The following GSTCD variants were observed in gnomAD, a reference collection of about 807,000 sequenced individuals.
GSTCD encodes glutathione S-transferase C-terminal domain containing, also known as glutathione S-transferase C-terminal domain-containing protein.
A neutral mutation model predicts 68.3 loss-of-function variants in GSTCD; 44 were observed. The observed-to-expected ratio is 0.64, with a 90% CI of 0.51 to 0.83. The LOEUF is 0.83. Among genes scored for constraint, GSTCD ranks in the 40% least tolerant of loss-of-function variants. The probability of loss-of-function intolerance (pLI) is 0.00; values close to 1 mark genes in which losing one functional copy is unlikely to be tolerated. For synonymous variants in GSTCD, 273 were observed against 255.2 expected, an observed-to-expected ratio of 1.07 and a Z score of -0.67; for missense variants, 739 against 735.9, an observed-to-expected ratio of 1.00 and a Z score of -0.05.
intron 5 of GSTCD, among the ~76,000 whole-genome samples, chr4:105,758,470 T>C (rs1734279209): frequency 6.6e-6 from 1 of 152,176 alleles, no homozygotes. Flanking sequence ...ACCTCTCCCG[T>C]CACTCGCTCT....
intron 5 of GSTCD, among the ~76,000 whole-genome samples, chr4:105,756,285 T>C (rs999632215): frequency 1.3e-5 from 2 of 152,044 alleles, no homozygotes; most frequent in Non-Finnish European, 2.9e-5. Flanking sequence ...ATTAATTCAA[T>C]TTCCATCCCC....
intron 5 of GSTCD, among the ~76,000 whole-genome samples, chr4:105,780,124 C>T (rs966358859): frequency 1.3e-5 from 2 of 152,124 alleles, no homozygotes; most frequent in Non-Finnish European, 2.9e-5. Flanking sequence ...AAGAGGAACA[C>T]AAAATGTGTT....
intron 5 of GSTCD, among the ~76,000 whole-genome samples, chr4:105,767,236 G>A (rs181776335): frequency 7.2e-5 from 11 of 152,224 alleles, no homozygotes; most frequent in South Asian, 2.1e-4. Flanking sequence ...GCTGAAACTC[G>A]GATGCAATGA....
chr4:105,771,487 G>A (rs1318355715), intron 5 of GSTCD, among the ~76,000 whole-genome samples: 3 of 152,134 alleles, frequency 2.0e-5, no homozygotes, highest in Non-Finnish European at 4.4e-5. Flanking sequence ...TTCTTCTAGA[G>A]TTTTTATGGT....
At chr4:105,744,453 A>T (rs1733736122) in intron 5 of GSTCD, among the ~76,000 whole-genome samples, 1 of 152,116 alleles carries the variant, frequency 6.6e-6, no homozygotes, top group African/African-American at 2.4e-5. Flanking sequence ...CAAGTCTGTC[A>T]TCCTTCTATA....
chr4:105,734,278 G>A (rs28804192), intron 5 of GSTCD, among the ~76,000 whole-genome samples: 2,073 of 152,252 alleles, frequency 0.014, 32 homozygotes, highest in African/African-American at 0.036. Flanking sequence ...ATCCTGCAGC[G>A]TGTTTTCCAA....
intron 5 of GSTCD, among the ~76,000 whole-genome samples, chr4:105,800,718 C>A (rs1455411996): frequency 6.6e-6 from 1 of 152,064 alleles, no homozygotes; most frequent in African/African-American, 2.4e-5. Context: ...ATGGTCAATT[C>A]TCATTATTCG....
chr4:105,744,889 A>AGATGTAT (rs1315466391), intron 5 of GSTCD, among the ~76,000 whole-genome samples: 5 of 151,240 alleles, frequency 3.3e-5, no homozygotes, highest in African/African-American at 1.2e-4. Context: ...TAGATCTATT[A>AGATGTAT]GGAAATAGAT....
chr4:105,822,390 G>GT (rs1723345796), intron 5 of GSTCD, among the ~76,000 whole-genome samples: 1 of 152,060 alleles, frequency 6.6e-6, no homozygotes, highest in South Asian at 2.1e-4. Flanking sequence ...TTCAGACAAT[G>GT]TAACACCTGT....
At chr4:105,807,299 T>A (rs1411030401) in intron 5 of GSTCD, 1 of 152,028 alleles carries the variant, frequency 6.6e-6, no homozygotes, top group Non-Finnish European at 1.5e-5. Flanking sequence ...AAAAGGGCAT[T>A]CTCTTATATA....
chr4:105,726,737 A>C lies in GSTCD; in HGVS notation c.1053A>C (p.Glu351Asp), dbSNP rs1412924368. ...HLPKLLTTSTEQHPNLCEVPG... is the reference protein window; with the variant it reads ...HLPKLLTTSTDQHPNLCEVPG... ...CAAAGTTGTTGACAACCTCAACTGA[A>C]CAGCATCCAAACTTATGTGAAGTCC... The change falls in exon 4 of 12, where the codon GAA becomes GAC. Residue 351 changes from glutamate to aspartate, a missense_variant. Physicochemically the swap from Glu to Asp is conservative, Grantham distance 45 (BLOSUM62 2). Transcript: ENST00000515279. 6.2e-7 allele frequency: 1 copy of C among 1,613,962 alleles called. No individual in the cohort carries two copies. Among genetic ancestry groups the C allele is most frequent in the Non-Finnish European group, 8.5e-7 (1 of 1,179,892 alleles).
intron 5 of GSTCD, among the ~76,000 whole-genome samples, chr4:105,783,458 A>T (rs190413224): frequency 6.6e-6 from 1 of 152,278 alleles, no homozygotes; most frequent in Non-Finnish European, 1.5e-5. Context: ...ATCTAAATTT[A>T]CAGAAAATTA....
At chr4:105,804,030 T>C (rs532432442) in intron 5 of GSTCD, among the ~76,000 whole-genome samples, 2 of 152,134 alleles carry the variant, frequency 1.3e-5, no homozygotes, top group Admixed American at 1.3e-4. Context: ...TCAGTAGTTT[T>C]TATCATCACC....
intron 5 of GSTCD, among the ~76,000 whole-genome samples, chr4:105,805,487 C>G (rs1381111951): frequency 6.6e-6 from 1 of 151,916 alleles, no homozygotes; most frequent in East Asian, 1.9e-4. Context: ...TTAATTTCAT[C>G]TGTCATTTTG....
At chr4:105,824,507 A>G (rs1387004871) in intron 7 of GSTCD, among the ~76,000 whole-genome samples, 5 of 152,174 alleles carry the variant, frequency 3.3e-5, no homozygotes, top group African/African-American at 1.2e-4. Context: ...AGGTTTTTCA[A>G]ACGGATTTTT....
intron 5 of GSTCD, among the ~76,000 whole-genome samples, chr4:105,773,440 A>G (rs1365804634): frequency 6.6e-6 from 1 of 151,900 alleles, no homozygotes; most frequent in Non-Finnish European, 1.5e-5. Context: ...AGTTCTTTTA[A>G]TTGTGATGTT....
At chr4:105,834,983 T>C (rs1724054518) in intron 9 of GSTCD, among the ~76,000 whole-genome samples, 1 of 152,232 alleles carries the variant, frequency 6.6e-6, no homozygotes, top group Non-Finnish European at 1.5e-5. Context: ...TAGCTCCTTA[T>C]CATTTTATAA....
intron 11 of GSTCD, among the ~76,000 whole-genome samples, chr4:105,842,464 C>A (rs1244081468): frequency 6.6e-6 from 1 of 151,990 alleles, no homozygotes; most frequent in African/African-American, 2.4e-5. Context: ...ATTAAAAAGT[C>A]AACTATATAT....
At chr4:105,802,352 T>C (rs769512040) in intron 5 of GSTCD, among the ~76,000 whole-genome samples, 1 of 152,128 alleles carries the variant, frequency 6.6e-6, no homozygotes, top group Non-Finnish European at 1.5e-5. Flanking sequence ...CTCTTTTCTA[T>C]ACTTGTGCAT....
Sources: gnomAD v4.1 joint callset for allele counts (sites outside exome capture counted in the v4.1 genomes callset) on GRCh38, gnomAD v4.1.1 for gene constraint, MANE v1.5 for transcripts, NCBI Gene and HGNC (gene_info 2026-07-23, HGNC 2026-07-21) for gene names.